CNTNAP5: variants seen among roughly 807,000 people sequenced by gnomAD.
CNTNAP5 encodes the protein contactin-associated protein-like 5.
Under a neutral mutation model 150.2 loss-of-function variants are expected in CNTNAP5, and 72 were observed. The ratio of observed to expected loss-of-function variants is 0.48; its 90% CI spans 0.40 to 0.58. The LOEUF is 0.58. CNTNAP5 is among the 20% of genes least tolerant of loss of function. The pLI, the probability that CNTNAP5 is intolerant of heterozygous loss-of-function variation, is 0.00. For missense variants in CNTNAP5, 1,636 were observed against 1,626.2 expected, an observed-to-expected ratio of 1.01 and a Z score of -0.10; for synonymous variants, 672 against 619.8, an observed-to-expected ratio of 1.08 and a Z score of -1.25.
chr2:124,663,096 A>C (rs570198117), intron 13 of CNTNAP5, among the ~76,000 whole-genome samples: 7 of 152,314 alleles, frequency 4.6e-5, no homozygotes, highest in Non-Finnish European at 8.8e-5. Flanking sequence ...TTACCAAGGA[A>C]CAAACGCATG....
chr2:124,408,926 T>C (rs1168264869), intron 3 of CNTNAP5, among the ~76,000 whole-genome samples: 3 of 151,812 alleles, frequency 2.0e-5, no homozygotes, highest in African/African-American at 7.3e-5. Context: ...CTTCAGACGA[T>C]CAAATTACTC....
intron 10 of CNTNAP5, among the ~76,000 whole-genome samples, chr2:124,554,056 T>A (rs2104920422): frequency 6.6e-6 from 1 of 152,350 alleles, no homozygotes; most frequent in East Asian, 1.9e-4. Context: ...TGATGTCGAA[T>A]TTCTTAAAAT....
At chr2:124,317,223 A>G (rs1375385383) in intron 3 of CNTNAP5, among the ~76,000 whole-genome samples, 1 of 152,206 alleles carries the variant, frequency 6.6e-6, no homozygotes, top group Admixed American at 6.5e-5. Context: ...TGACAACCCA[A>G]TGAATTAATA....
chr2:124,347,946 T>A (rs948396105), intron 3 of CNTNAP5, among the ~76,000 whole-genome samples: 3 of 151,830 alleles, frequency 2.0e-5, no homozygotes, highest in Non-Finnish European at 4.4e-5. Flanking sequence ...TGCCTCAGCC[T>A]CCCGAGTAGC....
At chr2:124,122,787 CACA>C (rs1683596289) in intron 1 of CNTNAP5, among the ~76,000 whole-genome samples, 3 of 151,276 alleles carry the variant, frequency 2.0e-5, no homozygotes, top group South Asian at 2.1e-4. Flanking sequence ...CACACACACA[CACA>C]CACCCACACC....
chr2:124,205,209 GT>G (rs2104715738), intron 1 of CNTNAP5, among the ~76,000 whole-genome samples: 1 of 152,114 alleles, frequency 6.6e-6, no homozygotes, highest in African/African-American at 2.4e-5. Context: ...CATGGGGGCG[GT>G]TTCCCCCATG....
At chr2:124,468,757 A>G (rs953284179) in intron 6 of CNTNAP5, among the ~76,000 whole-genome samples, 1 of 152,188 alleles carries the variant, frequency 6.6e-6, no homozygotes, top group African/African-American at 2.4e-5. Flanking sequence ...TAACACATTT[A>G]CTGATAACTT....
chr2:124,117,350 A>G (rs1447021932), intron 1 of CNTNAP5, among the ~76,000 whole-genome samples: 1 of 152,172 alleles, frequency 6.6e-6, no homozygotes. Context: ...TGTCTCACTT[A>G]GCACAATACA....
At chr2:124,297,667 T>G (rs1232531420) in intron 3 of CNTNAP5, among the ~76,000 whole-genome samples, 1 of 152,040 alleles carries the variant, frequency 6.6e-6, no homozygotes, top group African/African-American at 2.4e-5. Context: ...AAGTCCTCTG[T>G]GCATATAGTC....
At chr2:124,775,639 G>C (rs979068845) in intron 17 of CNTNAP5, among the ~76,000 whole-genome samples, 1 of 152,134 alleles carries the variant, frequency 6.6e-6, no homozygotes, top group African/African-American at 2.4e-5. Flanking sequence ...TTGAAGTGCT[G>C]ATACATGAGT....
At chr2:124,565,377 G>A (rs1157154220) in intron 11 of CNTNAP5, among the ~76,000 whole-genome samples, 2 of 152,038 alleles carry the variant, frequency 1.3e-5, no homozygotes, top group Non-Finnish European at 2.9e-5. Flanking sequence ...AAATGCTTGA[G>A]GGGATGAATA....
At chr2:124,828,413 G>A (rs1265983275) in intron 19 of CNTNAP5, among the ~76,000 whole-genome samples, 3 of 151,916 alleles carry the variant, frequency 2.0e-5, no homozygotes, top group Admixed American at 1.3e-4. Flanking sequence ...CCTAGGAGGT[G>A]GAGCTTGCAG....
intron 13 of CNTNAP5, among the ~76,000 whole-genome samples, chr2:124,707,187 A>AAGG (rs1418958375): frequency 3.4e-5 from 5 of 147,786 alleles, no homozygotes; most frequent in African/African-American, 1.2e-4. Flanking sequence ...GAAGAAGAAG[A>AAGG]AGAAGAAGAA....
At chr2:124,379,812 G>A (rs542639076) in intron 3 of CNTNAP5, among the ~76,000 whole-genome samples, 18 of 152,164 alleles carry the variant, frequency 1.2e-4, no homozygotes, top group African/African-American at 2.4e-4. Flanking sequence ...AAATTGTTGC[G>A]CAGAGGTGTA....
At chr2:124,219,766 C>T (rs1384448217) in intron 1 of CNTNAP5, among the ~76,000 whole-genome samples, 1 of 151,932 alleles carries the variant, frequency 6.6e-6, no homozygotes, top group Non-Finnish European at 1.5e-5. Flanking sequence ...AATAATGCAA[C>T]AAATATGTGA....
In CNTNAP5 at chr2:124,621,955, TTTTC is replaced by T. The variant is rs574709566; in HGVS notation, c.1876+12038_1876+12041del. ...TTTGAAAACACTCTACTTTCTTTTT[TTTTC>T]TTCAACTTTTATTTTAAGTTCAGTG... On this transcript the variant is annotated intron_variant, in intron 12 of 23. Coordinates refer to ENST00000682447, the MANE Select transcript of CNTNAP5 (RefSeq NM_001367498.1). Among the ~76,000 whole-genome samples the T allele has an allele frequency of 7.2e-5, 11 of 152,312 alleles. No individual in the cohort carries two copies. In the South Asian group the frequency reaches 2.3e-3, roughly 32 times the overall value.
intron 8 of CNTNAP5, among the ~76,000 whole-genome samples, chr2:124,511,865 G>T (rs1251653803): frequency 6.6e-6 from 1 of 151,592 alleles, no homozygotes; most frequent in Non-Finnish European, 1.5e-5. Context: ...TCTTAAAAAG[G>T]TTATGCTATG....
intron 1 of CNTNAP5, among the ~76,000 whole-genome samples, chr2:124,121,313 C>T (rs112630660): frequency 0.02 from 3,017 of 152,220 alleles, 96 homozygotes; most frequent in African/African-American, 0.067. Context: ...TTCATCAGTG[C>T]GAACCCTGAC....
chr2:124,769,591 G>A (rs912268597), intron 16 of CNTNAP5, among the ~76,000 whole-genome samples: 6 of 152,196 alleles, frequency 3.9e-5, no homozygotes, highest in Non-Finnish European at 8.8e-5. Flanking sequence ...GTGAGAGCCA[G>A]CTTGAGTTTG....
Sources: gnomAD v4.1 joint callset for allele counts (sites outside exome capture counted in the v4.1 genomes callset) on GRCh38, gnomAD v4.1.1 for gene constraint, MANE v1.5 for transcripts, NCBI Gene and HGNC (gene_info 2026-07-23, HGNC 2026-07-21) for gene names.